Variants in RALGAPA2 observed in about 807,000 individuals in gnomAD.
RALGAPA2 encodes the protein Ral GTPase activating protein catalytic subunit alpha 2, also known as ral GTPase-activating protein subunit alpha-2.
In RALGAPA2, 139 loss-of-function variants were observed where a neutral mutation model predicts 230.4. That is an observed-to-expected ratio of 0.60 (90% confidence interval 0.53 to 0.69). RALGAPA2 has a LOEUF of 0.69. Ranked by LOEUF, RALGAPA2 falls within the 30% of genes least tolerant of loss-of-function variation. The probability of loss-of-function intolerance (pLI) is 0.00; values close to 1 mark genes in which losing one functional copy is unlikely to be tolerated. For missense variants in RALGAPA2, 2,163 were observed against 2,276.0 expected (o/e 0.95, Z 1.01); for synonymous variants, 847 against 837.8 (o/e 1.01, Z -0.19).
intron 1 of RALGAPA2, among the ~76,000 whole-genome samples, chr20:20,683,206 C>T (rs1326053582): frequency 6.6e-6 from 1 of 152,202 alleles, no homozygotes; most frequent in African/African-American, 2.4e-5. Flanking sequence ...CTGCTCTCCA[C>T]GGCCCTGCCT....
intron 27 of RALGAPA2, among the ~76,000 whole-genome samples, chr20:20,526,898 A>G (rs1435773512): frequency 6.6e-6 from 1 of 152,242 alleles, no homozygotes; most frequent in Non-Finnish European, 1.5e-5. Context: ...AGAGTGTAGG[A>G]GAAGATAACT....
intron 3 of RALGAPA2, among the ~76,000 whole-genome samples, chr20:20,671,239 A>C (rs776409039): frequency 2.6e-5 from 4 of 152,226 alleles, no homozygotes; most frequent in Non-Finnish European, 5.9e-5. Context: ...GTTCCCTTTC[A>C]GTGCATCCCT....
At chr20:20,450,122 T>A (rs1297282796) in intron 37 of RALGAPA2, among the ~76,000 whole-genome samples, 1 of 152,226 alleles carries the variant, frequency 6.6e-6, no homozygotes, top group African/African-American at 2.4e-5. Context: ...ATTCCACATA[T>A]ACAAATAAAT....
Position 20,619,522 on chromosome 20 carries a change from G to A in RALGAPA2, c.1402-108C>T, listed in dbSNP as rs1344093565. 15 of 899,208 alleles carry A rather than the reference G, an allele frequency of 1.7e-5. No homozygotes were observed. The East Asian group carries it at 6.1e-4, about 37-fold the overall frequency. 55.7% of individuals were successfully genotyped at this position (899,208 alleles called of 1,614,324 possible). ...TATATAAACTAAGTTATATTTAGTT[G>A]GCATATTTAATTCCTTAAACTCACC... On this transcript the variant is annotated intron_variant, in intron 11 of 39. Coordinates refer to ENST00000202677, the MANE Select transcript of RALGAPA2 (RefSeq NM_020343.4).
chr20:20,662,058 A>G (rs1011009951), intron 3 of RALGAPA2, among the ~76,000 whole-genome samples: 5 of 152,228 alleles, frequency 3.3e-5, no homozygotes, highest in Admixed American at 2.6e-4. Flanking sequence ...TAAAATAGGC[A>G]ATACAGTATA....
intron 38 of RALGAPA2, among the ~76,000 whole-genome samples, chr20:20,408,977 A>AT (rs2060004265): frequency 6.6e-6 from 1 of 152,206 alleles, no homozygotes; most frequent in South Asian, 2.1e-4. Context: ...CTTTAAAAAT[A>AT]TTTTCTCATT....
chr20:20,497,203 T>C (rs2062234767), intron 35 of RALGAPA2, among the ~76,000 whole-genome samples: 1 of 152,374 alleles, frequency 6.6e-6, no homozygotes, highest in South Asian at 2.1e-4. Flanking sequence ...CTATATTTGC[T>C]ACAGCTTTTT....
intron 3 of RALGAPA2, among the ~76,000 whole-genome samples, chr20:20,654,635 T>C (rs912125770): frequency 2.0e-5 from 3 of 152,236 alleles, no homozygotes; most frequent in Admixed American, 6.5e-5. Context: ...TCTATATCCA[T>C]TCATTCACTG....
rs2065092122 is a variant in RALGAPA2, at chr20:20,585,001, T to C, written c.2440-46A>G. ...TGCATTTACTACAGGAAAGTTTTCA[T>C]TGTTATAAGACTTAAGTTTCTAGCC... On this transcript the variant is annotated intron_variant, in intron 18 of 39. Transcript: ENST00000202677. 3.6e-6 allele frequency: 5 copies of C among 1,384,894 alleles called. No individual in the cohort carries two copies. The African/African-American group carries it at 5.7e-5, about 16-fold the overall frequency. 85.8% of individuals were successfully genotyped at this position (1,384,894 alleles called of 1,614,324 possible).
At chr20:20,673,054 G>A (rs184640463) in intron 3 of RALGAPA2, among the ~76,000 whole-genome samples, 492 of 151,918 alleles carry the variant, frequency 3.2e-3, no homozygotes, top group Middle Eastern at 6.8e-3. Context: ...GTGTGGTGGC[G>A]GGCACCTGTA....
intron 3 of RALGAPA2, 63 bp from the exon 4 acceptor site, chr20:20,653,650 CCATATTACT>C: frequency 1.1e-6 from 1 of 950,612 alleles, no homozygotes; most frequent in Non-Finnish European, 1.6e-6. Context: ...CATGACAGGC[CCATATTACT>C]CACTGTAGGT....
chr20:20,568,383 A>C (rs1397319106), intron 23 of RALGAPA2, among the ~76,000 whole-genome samples: 2 of 152,206 alleles, frequency 1.3e-5, no homozygotes, highest in African/African-American at 4.8e-5. Context: ...GGTTAAAAAT[A>C]CTAAAAACAG....
chr20:20,556,591 C>G (rs1462995538), intron 23 of RALGAPA2, among the ~76,000 whole-genome samples: 1 of 152,178 alleles, frequency 6.6e-6, no homozygotes, highest in Non-Finnish European at 1.5e-5. Context: ...GAGGTTGATG[C>G]AGATGCTCAA....
At chr20:20,701,933 G>A (rs1217458922) in intron 1 of RALGAPA2, among the ~76,000 whole-genome samples, 1 of 151,418 alleles carries the variant, frequency 6.6e-6, no homozygotes, top group East Asian at 1.9e-4. Flanking sequence ...CTAGCTACTC[G>A]GGAGGCTGAG....
At position 20,500,567 on chromosome 20, in the gene RALGAPA2, T is replaced by C. The variant is rs563006682; in HGVS notation, c.5208+2784A>G. On this transcript the variant is annotated intron_variant, in intron 35 of 39. Coordinates refer to ENST00000202677, the MANE Select transcript of RALGAPA2 (RefSeq NM_020343.4). ...ACTTCTAATTCTAGTTCTCTTGCTA[T>C]TTCTGCTAAATGTGCAGTGACTTCC... Among the ~76,000 whole-genome samples, 5 of 152,368 alleles carry C rather than the reference T, an allele frequency of 3.3e-5. No homozygotes were observed. In the East Asian group the frequency reaches 9.6e-4, roughly 29 times the overall value.
intron 37 of RALGAPA2, among the ~76,000 whole-genome samples, chr20:20,432,136 C>T (rs953845484): frequency 2.0e-5 from 3 of 152,178 alleles, no homozygotes; most frequent in Non-Finnish European, 2.9e-5. Context: ...GGCTGGTGAT[C>T]GTCTTCACTG....
At chr20:20,424,552 G>A (rs146676323) in intron 37 of RALGAPA2, among the ~76,000 whole-genome samples, 26 of 152,232 alleles carry the variant, frequency 1.7e-4, no homozygotes, top group Admixed American at 1.2e-3. Flanking sequence ...ATTTTCACTC[G>A]TCCTAAAGAC....
chr20:20,484,280 A>G (rs780951754), intron 36 of RALGAPA2, among the ~76,000 whole-genome samples: 24 of 152,338 alleles, frequency 1.6e-4, no homozygotes, highest in Non-Finnish European at 2.6e-4. Flanking sequence ...TTTTATGAAA[A>G]GTAAAATGTG....
At chr20:20,443,943 T>A (rs1032371983) in intron 37 of RALGAPA2, among the ~76,000 whole-genome samples, 2 of 152,258 alleles carry the variant, frequency 1.3e-5, no homozygotes, top group African/African-American at 4.8e-5. Context: ...AAGGGGCTGC[T>A]TAATGCCTTA....
Sources: gnomAD v4.1 joint callset for allele counts (sites outside exome capture counted in the v4.1 genomes callset) on GRCh38, gnomAD v4.1.1 for gene constraint, MANE v1.5 for transcripts, NCBI Gene and HGNC (gene_info 2026-07-23, HGNC 2026-07-21) for gene names.